The following KCNT2 variants were observed in gnomAD, a reference collection of about 807,000 sequenced individuals.
The protein encoded by KCNT2 is potassium channel subfamily T member 2.
Under a neutral mutation model 153.8 loss-of-function variants are expected in KCNT2, and 67 were observed. The ratio of observed to expected loss-of-function variants is 0.44; its 90% CI spans 0.36 to 0.53. The LOEUF (loss-of-function observed/expected upper bound fraction) is 0.53, where lower values mean the gene tolerates loss of function less well. Among genes scored for constraint, KCNT2 ranks in the 20% least tolerant of loss-of-function variants. KCNT2 has a pLI of 0.00. For missense variants in KCNT2, 975 were observed against 1,354.8 expected, an observed-to-expected ratio of 0.72 and a Z score of 4.40; for synonymous variants, 500 against 458.8, an observed-to-expected ratio of 1.09 and a Z score of -1.15.
chr1:196,339,447 A>G (rs1317970914), intron 16 of KCNT2, among the ~76,000 whole-genome samples: 1 of 151,500 alleles, frequency 6.6e-6, no homozygotes, highest in African/African-American at 2.4e-5. Context: ...TTGTCTCTGA[A>G]GTTGTTATCA....
At chr1:196,590,464 C>T (rs979254309) in intron 1 of KCNT2, among the ~76,000 whole-genome samples, 9 of 152,084 alleles carry the variant, frequency 5.9e-5, no homozygotes, top group African/African-American at 2.2e-4. Flanking sequence ...CAATGGAGGA[C>T]GGGTTTCAGG....
intron 13 of KCNT2, among the ~76,000 whole-genome samples, chr1:196,379,556 A>G: frequency 7.1e-6 from 1 of 140,986 alleles, no homozygotes; most frequent in Non-Finnish European, 1.5e-5. Context: ...TAGGTAATAC[A>G]GTGAGACTTT....
rs773881517 is a variant in KCNT2, at chr1:196,407,169, T to A, written c.1186-8498A>T. On this transcript the variant is annotated intron_variant, in intron 12 of 27. Transcript: ENST00000294725. Reference sequence around the variant, plus strand: ...CCTCAACACCAGATCCAATTCCAGATCTTAATCCTCTTGAATTTTCCCTGA... The same window carrying A: ...CCTCAACACCAGATCCAATTCCAGAACTTAATCCTCTTGAATTTTCCCTGA... 5.6e-4 allele frequency among the ~76,000 whole-genome samples: 85 copies of A among 151,458 alleles called. 1 individual carries two copies. Among genetic ancestry groups the A allele is most frequent in the Non-Finnish European group, 1.6e-4 (11 of 67,666 alleles).
intron 1 of KCNT2, among the ~76,000 whole-genome samples, chr1:196,573,364 T>A (rs1214279788): frequency 6.6e-6 from 1 of 152,116 alleles, no homozygotes; most frequent in East Asian, 1.9e-4. Flanking sequence ...CCTTCTGTGA[T>A]GGGAATTTGC....
At chr1:196,359,968 G>T (rs1467813735) in intron 14 of KCNT2, among the ~76,000 whole-genome samples, 1 of 151,962 alleles carries the variant, frequency 6.6e-6, no homozygotes, top group Non-Finnish European at 1.5e-5. Context: ...AATAATGAAT[G>T]CTGAACTATT....
chr1:196,505,308 A>G (rs1010563233), intron 1 of KCNT2, among the ~76,000 whole-genome samples: 3 of 152,074 alleles, frequency 2.0e-5, no homozygotes, highest in South Asian at 2.1e-4. Flanking sequence ...CATATGGCTA[A>G]CCAGTTTTCC....
intron 14 of KCNT2, 50 bp downstream of exon 14, chr1:196,373,089 AT>A (rs1668667571): frequency 4.6e-6 from 4 of 865,784 alleles, no homozygotes; most frequent in Non-Finnish European, 7.7e-6. Flanking sequence ...AACTGCCCTT[AT>A]TGTTTTTTAT....
chr1:196,299,033 C>A (rs771565651), intron 22 of KCNT2, among the ~76,000 whole-genome samples: 2 of 151,644 alleles, frequency 1.3e-5, no homozygotes, highest in African/African-American at 2.4e-5. Flanking sequence ...CATTCAAAAG[C>A]AATTTTAAAG....
intron 14 of KCNT2, among the ~76,000 whole-genome samples, chr1:196,351,953 T>C (rs1008907038): frequency 6.6e-6 from 1 of 152,196 alleles, no homozygotes; most frequent in Admixed American, 6.6e-5. Flanking sequence ...TTTGTATCTA[T>C]TGAGATAATC....
chr1:196,330,842 G>C (rs963110895), intron 18 of KCNT2, among the ~76,000 whole-genome samples: 4 of 151,906 alleles, frequency 2.6e-5, no homozygotes, highest in Non-Finnish European at 5.9e-5. Flanking sequence ...ATGCACATTT[G>C]ACCCAAGTGA....
chr1:196,506,379 A>G (rs551189752), intron 1 of KCNT2, among the ~76,000 whole-genome samples: 1 of 152,256 alleles, frequency 6.6e-6, no homozygotes, highest in African/African-American at 2.4e-5. Flanking sequence ...AAAAACAAAA[A>G]CTGTGGTTCA....
intron 1 of KCNT2, among the ~76,000 whole-genome samples, chr1:196,576,259 C>T (rs1003163176): frequency 3.9e-5 from 6 of 152,000 alleles, no homozygotes; most frequent in Non-Finnish European, 8.8e-5. Flanking sequence ...ATATCAGAAA[C>T]AAAAGCCAGT....
At chr1:196,504,407 C>T (rs1680957544) in intron 1 of KCNT2, among the ~76,000 whole-genome samples, 1 of 152,144 alleles carries the variant, frequency 6.6e-6, no homozygotes, top group African/African-American at 2.4e-5. Flanking sequence ...CTACAAAGGA[C>T]ATGAACTCTT....
chr1:196,251,957 TC>T (rs1260124925), intron 26 of KCNT2, among the ~76,000 whole-genome samples: 1 of 151,850 alleles, frequency 6.6e-6, no homozygotes, highest in Admixed American at 6.6e-5. Flanking sequence ...TAAGTGGGTT[TC>T]TTTTATGCAA....
chr1:196,385,798 A>T (rs1258300054), intron 13 of KCNT2, among the ~76,000 whole-genome samples: 1 of 149,358 alleles, frequency 6.7e-6, no homozygotes, highest in Non-Finnish European at 1.5e-5. Flanking sequence ...TATATTTTGG[A>T]TCTGTTTCCT....
chr1:196,450,895 A>T (rs1463079224), intron 8 of KCNT2, among the ~76,000 whole-genome samples: 1 of 151,896 alleles, frequency 6.6e-6, no homozygotes, highest in Admixed American at 6.6e-5. Context: ...CTTTAACTAG[A>T]CATATGCATG....
At chr1:196,422,969 G>A (rs1429328591) in intron 12 of KCNT2, 81 bp downstream of exon 12, 106 of 842,250 alleles carry the variant, frequency 1.3e-4, no homozygotes, top group Non-Finnish European at 1.8e-6. Flanking sequence ...CTTAATGCTG[G>A]CGAATTTTTA....
chr1:196,372,993 C>A, intron 14 of KCNT2, 147 bp downstream of exon 14: 2 of 512,368 alleles, frequency 3.9e-6, no homozygotes, highest in South Asian at 6.4e-5. Context: ...CTTTATTTAT[C>A]TACCAGATAA....
intron 13 of KCNT2, among the ~76,000 whole-genome samples, chr1:196,379,007 A>G (rs963042241): frequency 5.3e-5 from 8 of 151,242 alleles, no homozygotes; most frequent in Admixed American, 1.3e-4. Context: ...TAGAAATTAC[A>G]TATCTCAGTT....
Sources: allele counts gnomAD v4.1 joint callset (sites outside exome capture counted in the v4.1 genomes callset), GRCh38; gene constraint gnomAD v4.1.1; transcripts MANE v1.5; gene names NCBI Gene and HGNC (gene_info 2026-07-23, HGNC 2026-07-21).